CBFA2T3: variants seen among roughly 807,000 people sequenced by gnomAD.
CBFA2T3 encodes the protein transcriptional corepressor CBFA2T3.
CBFA2T3 carries 31 observed loss-of-function variants against 58.6 expected under a neutral mutation model. The observed-to-expected ratio is 0.53, with a 90% CI of 0.40 to 0.71. CBFA2T3 has a LOEUF of 0.71. Ranked by LOEUF, CBFA2T3 falls within the 30% of genes least tolerant of loss-of-function variation. CBFA2T3 has a pLI of 0.00. For missense variants in CBFA2T3, 1,076 were observed against 963.1 expected, an observed-to-expected ratio of 1.12 and a Z score of -1.55; for synonymous variants, 531 against 421.9, an observed-to-expected ratio of 1.26 and a Z score of -3.17.
chr16:88,922,889 G>A (rs575935280), intron 1 of CBFA2T3, among the ~76,000 whole-genome samples: 14 of 152,234 alleles, frequency 9.2e-5, no homozygotes, highest in Non-Finnish European at 1.3e-4. Flanking sequence ...ATATAATCAC[G>A]ATGAAAACAT....
intron 1 of CBFA2T3, among the ~76,000 whole-genome samples, chr16:88,936,384 AC>A (rs1424821137): frequency 1.3e-5 from 2 of 150,898 alleles, no homozygotes; most frequent in African/African-American, 4.9e-5. Flanking sequence ...GTCCACCATG[AC>A]CCCAGCCTCA....
chr16:88,957,853 G>C (rs939451676), intron 1 of CBFA2T3: 2 of 152,310 alleles, frequency 1.3e-5, no homozygotes, highest in African/African-American at 2.4e-5. Flanking sequence ...GGGAGGGAAC[G>C]GGCCTGACTG....
In CBFA2T3 at chr16:88,876,673, T is replaced by A. The variant is rs1248841974; in HGVS notation, c.*303A>T. 2.7e-6 allele frequency: 1 copy of A among 364,588 alleles called. No homozygotes were observed. The highest frequency in any genetic ancestry group is 2.1e-5 in the African/African-American group (1 of 48,034). The allele number at this position is 364,588 out of a possible 1,614,324, so 22.6% of individuals were successfully genotyped here. Reference sequence around the variant, plus strand: ...GGGCAGAGCCGCCGCGCCTGCGGCATCTGCTCTGCTGTCTAAAGCTCAGTC... The same window carrying A: ...GGGCAGAGCCGCCGCGCCTGCGGCAACTGCTCTGCTGTCTAAAGCTCAGTC... On this transcript the variant is annotated 3_prime_UTR_variant, in exon 12 of 12. Coordinates refer to ENST00000268679, the MANE Select transcript of CBFA2T3 (RefSeq NM_005187.6).
intron 3 of CBFA2T3, among the ~76,000 whole-genome samples, chr16:88,896,331 T>C (rs1969886208): frequency 6.6e-6 from 1 of 152,218 alleles, no homozygotes; most frequent in Non-Finnish European, 1.5e-5. Flanking sequence ...GGGGGTAGCC[T>C]GTCTGCGCCC....
intron 3 of CBFA2T3, among the ~76,000 whole-genome samples, chr16:88,893,017 A>C (rs1969710522): frequency 6.6e-6 from 1 of 152,086 alleles, no homozygotes; most frequent in African/African-American, 2.4e-5. Flanking sequence ...GGGCTTCTCC[A>C]CACGTCGGGG....
chr16:88,923,850 T>C (rs987558022), intron 1 of CBFA2T3, among the ~76,000 whole-genome samples: 1 of 152,094 alleles, frequency 6.6e-6, no homozygotes. Flanking sequence ...GACCGTCCTC[T>C]CTCAAAGGTG....
chr16:88,882,780 C>T lies in CBFA2T3; in HGVS notation c.1118-19G>A, dbSNP rs375599305. On this transcript the variant is annotated intron_variant, in intron 7 of 11. Transcript: ENST00000268679. Reference sequence around the variant, plus strand: ...GGCACCACTGTGGATGGGGGAGGTGCACGCTTAGGTCCCACCCACAGCCAG... The same window carrying T: ...GGCACCACTGTGGATGGGGGAGGTGTACGCTTAGGTCCCACCCACAGCCAG... The T allele has an allele frequency of 4.8e-5, 72 of 1,507,114 alleles. No individual in the cohort carries two copies. Among genetic ancestry groups the T allele is most frequent in the Admixed American group, 7.7e-5 (4 of 51,978 alleles). The allele number at this position is 1,507,114 out of a possible 1,614,324, so 93.4% of individuals were successfully genotyped here.
At chr16:88,961,597 C>G (rs1178394739) in intron 1 of CBFA2T3, among the ~76,000 whole-genome samples, 8 of 116,076 alleles carry the variant, frequency 6.9e-5, no homozygotes, top group South Asian at 3.5e-4. Flanking sequence ...CATTCCCACT[C>G]CATAGTAACC....
chr16:88,942,907 G>A (rs998933823), intron 1 of CBFA2T3, among the ~76,000 whole-genome samples: 2 of 152,212 alleles, frequency 1.3e-5, no homozygotes, highest in Non-Finnish European at 1.5e-5. Context: ...GTGGAATGGA[G>A]GGGGAGTTCT....
chr16:88,880,690 T>TGCTGGCCAGGCCCCC lies in CBFA2T3; in HGVS notation c.1471+29_1471+30insGGGGGCCTGGCCAGC, dbSNP rs543591962. The TGCTGGCCAGGCCCCC allele has an allele frequency of 1.1e-4, 167 of 1,534,352 alleles. 1 individual carries two copies. The African/African-American group carries it at 2.4e-3, about 22-fold the overall frequency. ...CTGGGGCCCTGGCCTCCCACAGCTC[T>TGCTGGCCAGGCCCCC]GCTGGCCAGGCCCCTGCACCCCCAC... On this transcript the variant is annotated intron_variant, in intron 10 of 11. Transcript: ENST00000268679.
chr16:88,879,973 C>G (rs1969002476), intron 10 of CBFA2T3: 1 of 163,118 alleles, frequency 6.1e-6, no homozygotes, highest in Admixed American at 5.8e-5. Context: ...GCCCCCTCGT[C>G]CAGGGCTCTG....
At chr16:88,970,928 G>A (rs569517698) in intron 1 of CBFA2T3, among the ~76,000 whole-genome samples, 58 of 152,274 alleles carry the variant, frequency 3.8e-4, no homozygotes, top group South Asian at 1.9e-3. Flanking sequence ...CCGAGGGAAG[G>A]AGGTCGGTCG....
At chr16:88,909,835 T>G (rs999378123) in intron 1 of CBFA2T3, among the ~76,000 whole-genome samples, 19 of 152,340 alleles carry the variant, frequency 1.2e-4, no homozygotes, top group African/African-American at 4.1e-4. Flanking sequence ...GAGCCAGGAA[T>G]GGAGCCCCAG....
Position 88,977,113 on chromosome 16 carries a change from C to T in CBFA2T3, c.-306G>A, listed in dbSNP as rs759510530. The T allele has an allele frequency of 4.8e-5, 16 of 331,506 alleles. No homozygotes were observed. Among genetic ancestry groups the T allele is most frequent in the Non-Finnish European group, 6.7e-5 (12 of 179,286 alleles). The allele number at this position is 331,506 out of a possible 1,614,324, so 20.5% of individuals were successfully genotyped here. On this transcript the variant is annotated 5_prime_UTR_variant, in exon 1 of 12. Coordinates refer to ENST00000268679, the MANE Select transcript of CBFA2T3 (RefSeq NM_005187.6). ...GCCAGCTGTGTCCCCGTGATAATGC[C>T]GGGGCCGGAGGCCTGCAGCTGCGCC... is the stretch of plus-strand genomic sequence containing the variant.
intron 3 of CBFA2T3, among the ~76,000 whole-genome samples, chr16:88,895,597 C>G (rs1969855216): frequency 6.6e-6 from 1 of 152,164 alleles, no homozygotes; most frequent in East Asian, 1.9e-4. Flanking sequence ...GCCCTGTGCT[C>G]TGGATGTTCT....
intron 1 of CBFA2T3, among the ~76,000 whole-genome samples, chr16:88,952,469 C>T (rs1045034380): frequency 8.5e-5 from 13 of 152,166 alleles, no homozygotes; most frequent in African/African-American, 1.7e-4. Context: ...GAGGGAGTTG[C>T]CGCCCTCCAG....
chr16:88,942,356 C>A (rs1971772603), intron 1 of CBFA2T3, among the ~76,000 whole-genome samples: 2 of 152,218 alleles, frequency 1.3e-5, no homozygotes, highest in African/African-American at 4.8e-5. Flanking sequence ...TTAGGAGACA[C>A]AAGAGGCCAG....
At chr16:88,941,195 G>C in intron 1 of CBFA2T3, 2 of 980,892 alleles carry the variant, frequency 2.0e-6, no homozygotes, top group Non-Finnish European at 2.4e-6. Flanking sequence ...CGCGCGGGGC[G>C]GCCGCCTGGG....
intron 11 of CBFA2T3, among the ~76,000 whole-genome samples, chr16:88,877,520 G>A (rs1328855383): frequency 6.6e-6 from 1 of 152,178 alleles, no homozygotes; most frequent in Non-Finnish European, 1.5e-5. Flanking sequence ...TGTGCTAACT[G>A]GACAACGACC....
Sources: allele counts gnomAD v4.1 joint callset (sites outside exome capture counted in the v4.1 genomes callset), GRCh38; gene constraint gnomAD v4.1.1; transcripts MANE v1.5; gene names NCBI Gene and HGNC (gene_info 2026-07-23, HGNC 2026-07-21).